The following AGAP1 variants were observed in gnomAD, a reference collection of about 807,000 sequenced individuals.
AGAP1 encodes the protein ArfGAP with GTPase domain, ankyrin repeat and PH domain 1.
Under a neutral mutation model 105.3 loss-of-function variants are expected in AGAP1, and 29 were observed. The observed-to-expected ratio is 0.28, with a 90% CI of 0.21 to 0.38. The LOEUF is 0.38. Among genes scored for constraint, AGAP1 ranks in the 10% least tolerant of loss-of-function variants. AGAP1 has a pLI of 1.00. For missense variants in AGAP1, 998 were observed against 1,165.1 expected (o/e 0.86, Z 2.09); for synonymous variants, 509 against 485.9 (o/e 1.05, Z -0.63).
chr2:235,576,504 G>T (rs992552692), intron 1 of AGAP1, among the ~76,000 whole-genome samples: 1 of 152,210 alleles, frequency 6.6e-6, no homozygotes, highest in Non-Finnish European at 1.5e-5. Flanking sequence ...TGTGCTGGAA[G>T]CATTGCCTGA....
chr2:235,616,502 G>A (rs1946312033), intron 1 of AGAP1, among the ~76,000 whole-genome samples: 1 of 152,186 alleles, frequency 6.6e-6, no homozygotes, highest in African/African-American at 2.4e-5. Context: ...ATAGCCATCT[G>A]GAGAGAAATT....
chr2:235,921,357 A>G (rs1394688473), intron 11 of AGAP1, among the ~76,000 whole-genome samples: 1 of 152,236 alleles, frequency 6.6e-6, no homozygotes, highest in Non-Finnish European at 1.5e-5. Flanking sequence ...ACCAAGAACA[A>G]TGTATGCATA....
At chr2:235,605,327 C>T (rs1415283356) in intron 1 of AGAP1, among the ~76,000 whole-genome samples, 1 of 152,218 alleles carries the variant, frequency 6.6e-6, no homozygotes, top group Non-Finnish European at 1.5e-5. Context: ...TCTTAATTAT[C>T]CCCATTTTAC....
intron 6 of AGAP1, among the ~76,000 whole-genome samples, chr2:235,759,532 G>A (rs1309653796): frequency 6.6e-6 from 1 of 152,220 alleles, no homozygotes; most frequent in Non-Finnish European, 1.5e-5. Flanking sequence ...CTCCAGAAGA[G>A]CCACATCTGA....
chr2:235,573,061 T>TTC lies in AGAP1; in HGVS notation c.163+78213_163+78214insCT, dbSNP rs771569923. Among the ~76,000 whole-genome samples, 130 of 67,264 alleles carry TTC rather than the reference T, an allele frequency of 1.9e-3. 11 individuals carry two copies. Among genetic ancestry groups the TTC allele is most frequent in the East Asian group, 7.2e-3 (5 of 694 alleles). 44.1% of individuals were successfully genotyped at this position (67,264 alleles called of 152,430 possible). A position where few individuals can be genotyped will look rare whatever the true frequency, so the allele number is the denominator to read the frequency against. ...CTTCTTCTTCTTCTTCTTCTTCTTC[T>TTC]TTCTTCTTTCTTCTTTCTTCTTTCT... On this transcript the variant is annotated intron_variant, in intron 1 of 17. Transcript: ENST00000304032.
rs1046007114 is a variant in AGAP1, at chr2:235,747,938, G to A, written c.539-2416G>A. ...CTGGGCTGGGGTGAGGCCTCCGCCCGCTGGCGGGAGGGGCAGCTCTGCCAG... is the reference window on the plus strand; with the variant it reads ...CTGGGCTGGGGTGAGGCCTCCGCCCACTGGCGGGAGGGGCAGCTCTGCCAG... On this transcript the variant is annotated intron_variant, in intron 5 of 17. Transcript: ENST00000304032. The surrounding 1 kb of genome is among the most constrained non-coding windows in gnomAD (Gnocchi z 5.0). Among the ~76,000 whole-genome samples the A allele has an allele frequency of 4.6e-5, 7 of 152,230 alleles. No individual in the cohort carries two copies. The highest frequency in any genetic ancestry group is 1.9e-4 in the East Asian group (1 of 5,184).
rs2125998019 is a variant in AGAP1 at position 236,130,669 on chromosome 2, CA to C, written c.*6548del. On this transcript the variant is annotated 3_prime_UTR_variant, in exon 18 of 18. Coordinates refer to ENST00000304032, the MANE Select transcript of AGAP1 (RefSeq NM_001037131.3). The surrounding 1 kb of genome is among the most constrained non-coding windows in gnomAD (Gnocchi z 5.8). The stretch of plus-strand genomic sequence containing the variant: ...GACTTGAGGAAGGACAGTCCAGGTG[CA>C]TGGAATCCTAATGGGCCTCATGCAG... The C allele has an allele frequency of 6.6e-6, 1 of 152,470 alleles. No homozygotes were observed. The highest frequency in any genetic ancestry group is 1.9e-4 in the East Asian group (1 of 5,180). 9.4% of individuals were successfully genotyped at this position (152,470 alleles called of 1,614,324 possible). A position where few individuals can be genotyped will look rare whatever the true frequency, so the allele number is the denominator to read the frequency against.
chr2:235,595,964 A>G (rs1217125824), intron 1 of AGAP1, among the ~76,000 whole-genome samples: 1 of 152,212 alleles, frequency 6.6e-6, no homozygotes, highest in Non-Finnish European at 1.5e-5. Context: ...GCAGTAATGT[A>G]TTACTTTGCG....
Position 235,736,717 on chromosome 2 carries a change from G to A in AGAP1, c.311-4246G>A, listed in dbSNP as rs943348093. On this transcript the variant is annotated intron_variant, in intron 3 of 17. Coordinates refer to ENST00000304032, the MANE Select transcript of AGAP1 (RefSeq NM_001037131.3). The surrounding 1 kb of genome is among the most constrained non-coding windows in gnomAD (Gnocchi z 5.5). ...TATCCAGGTGTGGCGGCACATGTCC[G>A]TGGTCCCAGCTACTCAGGGAGGCTG... is the stretch of plus-strand genomic sequence containing the variant. Among the ~76,000 whole-genome samples, 2 of 152,112 alleles carry A rather than the reference G, an allele frequency of 1.3e-5. No homozygotes were observed. The highest frequency in any genetic ancestry group is 2.9e-5 in the Non-Finnish European group (2 of 68,008).
rs577065276 is a variant in AGAP1, at chr2:235,534,189, G to A, written c.163+39340G>A. Reference sequence around the variant, plus strand: ...CCCTCCTGCCGACCCCGGTGGCTCAGGCAAAGGGCTTGCCAGATGGTCGGT... The same window carrying A: ...CCCTCCTGCCGACCCCGGTGGCTCAAGCAAAGGGCTTGCCAGATGGTCGGT... On this transcript the variant is annotated intron_variant, in intron 1 of 17. Coordinates refer to ENST00000304032, the MANE Select transcript of AGAP1 (RefSeq NM_001037131.3). 8.5e-5 allele frequency among the ~76,000 whole-genome samples: 13 copies of A among 152,340 alleles called. No homozygotes were observed. The East Asian group carries it at 2.5e-3, about 29-fold the overall frequency.
intron 9 of AGAP1, among the ~76,000 whole-genome samples, chr2:235,860,177 C>G (rs2048869022): frequency 6.6e-6 from 1 of 152,034 alleles, no homozygotes; most frequent in Admixed American, 6.6e-5. Context: ...TGTCAAGCAA[C>G]AAAGGAAAGG....
At chr2:235,810,724 T>C (rs1029715508) in intron 9 of AGAP1, among the ~76,000 whole-genome samples, 5 of 152,176 alleles carry the variant, frequency 3.3e-5, no homozygotes, top group African/African-American at 4.8e-5. Flanking sequence ...CCATCAAGAA[T>C]ATGACTTATT....
In AGAP1 at chr2:235,911,872, C is replaced by T. The variant is rs1004279393; in HGVS notation, c.1324+2966C>T. On this transcript the variant is annotated intron_variant, in intron 11 of 17. Coordinates refer to ENST00000304032, the MANE Select transcript of AGAP1 (RefSeq NM_001037131.3). Reference sequence around the variant, plus strand: ...GCTGACTTTCCCTCTTCTCTGGATTCCAACTAGGGATAGAGAAGTGGAGGT... The same window carrying T: ...GCTGACTTTCCCTCTTCTCTGGATTTCAACTAGGGATAGAGAAGTGGAGGT... Among the ~76,000 whole-genome samples, 7 of 152,358 alleles carry T rather than the reference C, an allele frequency of 4.6e-5. 1 individual carries two copies. In the South Asian group the frequency reaches 1.0e-3, roughly 23 times the overall value.
At chr2:235,980,842 G>A (rs1405670794) in intron 13 of AGAP1, among the ~76,000 whole-genome samples, 2 of 152,146 alleles carry the variant, frequency 1.3e-5, no homozygotes, top group Non-Finnish European at 2.9e-5. Context: ...TCGCTATTGA[G>A]CTTGAAGTCT....
chr2:235,598,195 C>A (rs1036714275), intron 1 of AGAP1, among the ~76,000 whole-genome samples: 20 of 151,934 alleles, frequency 1.3e-4, no homozygotes, highest in Non-Finnish European at 2.4e-4. Context: ...TCTACAGCAT[C>A]CCAGTCTGAG....
intron 12 of AGAP1, among the ~76,000 whole-genome samples, chr2:235,955,497 C>T (rs1387217755): frequency 1.3e-5 from 2 of 152,180 alleles, no homozygotes; most frequent in Non-Finnish European, 2.9e-5. Flanking sequence ...ATCCTAATTA[C>T]TGAAAACACA....
At chr2:235,914,930 C>G (rs2051799101) in intron 11 of AGAP1, among the ~76,000 whole-genome samples, 1 of 152,156 alleles carries the variant, frequency 6.6e-6, no homozygotes, top group Admixed American at 6.5e-5. Context: ...GATGTGGATG[C>G]TGGTGCTCAA....
In AGAP1 at chr2:235,930,781, A is replaced by G. The variant is rs551404964; in HGVS notation, c.1341A>G (p.Ala447=). 47 of 1,613,934 alleles carry G rather than the reference A, an allele frequency of 2.9e-5. No homozygotes were observed. In the South Asian group the frequency reaches 4.3e-4, roughly 15 times the overall value. The part of the protein sequence containing the change: ...ISPNSGNVTS[A]SGSQMASGIS... ...TATTCCTAGGGAATGTCACTAGTGCATCTGGGTCTCAGATGGCAAGCGGCA... is the reference window on the plus strand; with the variant it reads ...TATTCCTAGGGAATGTCACTAGTGCGTCTGGGTCTCAGATGGCAAGCGGCA... The change falls in exon 12 of 18, where the codon GCA becomes GCG. Residue 447 remains alanine, a synonymous_variant. Coordinates refer to ENST00000304032, the MANE Select transcript of AGAP1 (RefSeq NM_001037131.3). The surrounding 1 kb of genome is among the most constrained non-coding windows in gnomAD (Gnocchi z 7.9).
In AGAP1 at chr2:235,596,237, A is replaced by G. The variant is rs1945521547; in HGVS notation, c.163+101388A>G. On this transcript the variant is annotated intron_variant, in intron 1 of 17. Coordinates refer to ENST00000304032, the MANE Select transcript of AGAP1 (RefSeq NM_001037131.3). This position sits in a 1 kb window ranked among gnomAD's most constrained non-coding sequence, Gnocchi z 5.9. Reference sequence around the variant, plus strand: ...GATTAAACGGAGTCAGAACCCGGCCATGGATGTGTATTCACTGTTATTTAA... The same window carrying G: ...GATTAAACGGAGTCAGAACCCGGCCGTGGATGTGTATTCACTGTTATTTAA... 6.6e-6 allele frequency among the ~76,000 whole-genome samples: 1 copy of G among 152,204 alleles called. No individual in the cohort carries two copies. Among genetic ancestry groups the G allele is most frequent in the South Asian group, 2.1e-4 (1 of 4,830 alleles).
Sources: gnomAD v4.1 joint callset for allele counts (sites outside exome capture counted in the v4.1 genomes callset) on GRCh38, gnomAD v4.1.1 for gene constraint, Gnocchi (gnomAD v3.1) non-coding constraint, MANE v1.5 for transcripts, NCBI Gene and HGNC (gene_info 2026-07-23, HGNC 2026-07-21) for gene names.